The following KIF26B variants were observed in gnomAD, a reference collection of about 807,000 sequenced individuals.
KIF26B encodes kinesin family member 26B.
In KIF26B, 63 loss-of-function variants were observed where a neutral mutation model predicts 151.2. The ratio of observed to expected loss-of-function variants is 0.42; its 90% CI spans 0.34 to 0.51. The LOEUF is 0.51. Among genes scored for constraint, KIF26B ranks in the 20% least tolerant of loss-of-function variants. The pLI is 0.07. For missense variants in KIF26B, 2,813 were observed against 2,913.6 expected (o/e 0.97, Z 0.79); for synonymous variants, 1,357 against 1,262.1 (o/e 1.08, Z -1.59).
Position 245,528,809 on chromosome 1 carries a change from G to A in KIF26B, c.1167-11958G>A, listed in dbSNP as rs150228470. ...GCTTAGAGCAAGTCGCCACCTTCCC[G>A]AGGTCATCCAACTCTCAGAAACAGA... On this transcript the variant is annotated intron_variant, in intron 4 of 14. Coordinates refer to ENST00000407071, the MANE Select transcript of KIF26B (RefSeq NM_018012.4). Among the ~76,000 whole-genome samples the A allele has an allele frequency of 1.9e-3, 293 of 152,248 alleles. 4 individuals carry two copies. The East Asian group carries it at 0.046, about 24-fold the overall frequency.
chr1:245,426,422 T>G (rs1002954862), intron 4 of KIF26B, among the ~76,000 whole-genome samples: 1 of 152,214 alleles, frequency 6.6e-6, no homozygotes, highest in African/African-American at 2.4e-5. Context: ...AAGCTGTCCC[T>G]CACTTTCTCC....
intron 10 of KIF26B, among the ~76,000 whole-genome samples, chr1:245,654,059 C>T (rs2103193296): frequency 6.6e-6 from 1 of 152,216 alleles, no homozygotes; most frequent in Non-Finnish European, 1.5e-5. Flanking sequence ...CAAGACCCTG[C>T]CTCTAAGTGA....
At chr1:245,681,928 A>T (rs2044444720) in intron 10 of KIF26B, among the ~76,000 whole-genome samples, 1 of 152,230 alleles carries the variant, frequency 6.6e-6, no homozygotes, top group South Asian at 2.1e-4. Context: ...AACCTAAACC[A>T]TACGTTAGGT....
At chr1:245,217,988 A>T (rs1669683668) in intron 2 of KIF26B, among the ~76,000 whole-genome samples, 1 of 152,118 alleles carries the variant, frequency 6.6e-6, no homozygotes, top group Non-Finnish European at 1.5e-5. Context: ...CTGCTGGTGG[A>T]ACTGGGCTTA....
intron 3 of KIF26B, among the ~76,000 whole-genome samples, chr1:245,369,004 G>A (rs988318634): frequency 6.6e-6 from 1 of 152,102 alleles, no homozygotes; most frequent in Non-Finnish European, 1.5e-5. Flanking sequence ...CAAGTATGGT[G>A]GCATGCGCCT....
intron 5 of KIF26B, among the ~76,000 whole-genome samples, chr1:245,594,848 C>T (rs1173758757): frequency 6.6e-6 from 1 of 152,156 alleles, no homozygotes; most frequent in African/African-American, 2.4e-5. Flanking sequence ...TTTTCTTGAG[C>T]AGTGGTTTGT....
chr1:245,475,763 A>G (rs1376536744), intron 4 of KIF26B, among the ~76,000 whole-genome samples: 1 of 151,856 alleles, frequency 6.6e-6, no homozygotes, highest in African/African-American at 2.4e-5. Context: ...CATTTTGAGC[A>G]TTGGTGAGGA....
intron 10 of KIF26B, among the ~76,000 whole-genome samples, chr1:245,664,756 T>G (rs1412802010): frequency 2.0e-5 from 3 of 152,210 alleles, no homozygotes; most frequent in Non-Finnish European, 4.4e-5. Flanking sequence ...TATACTTTTG[T>G]GTATTTTAAT....
At position 245,596,351 on chromosome 1, in the gene KIF26B, A is replaced by G. The variant is rs149919525; in HGVS notation, c.1351-6226A>G. 3.3e-5 allele frequency among the ~76,000 whole-genome samples: 5 copies of G among 152,274 alleles called. No individual in the cohort carries two copies. The East Asian group carries it at 9.6e-4, about 29-fold the overall frequency. ...TTAAATGTGTCCCAGAGATTCTGGT[A>G]TGTTGTGTCTTTGTGCTCATTGGTT... On this transcript the variant is annotated intron_variant, in intron 5 of 14. Coordinates refer to ENST00000407071, the MANE Select transcript of KIF26B (RefSeq NM_018012.4).
intron 2 of KIF26B, among the ~76,000 whole-genome samples, chr1:245,309,728 ATGTATATCC>A (rs1040938694): frequency 6.8e-6 from 1 of 147,862 alleles, no homozygotes; most frequent in African/African-American, 2.5e-5. Context: ...TTTTATATAT[ATGTATATCC>A]TATTAGTCCT....
intron 2 of KIF26B, among the ~76,000 whole-genome samples, chr1:245,246,314 A>G (rs1670330070): frequency 2.0e-5 from 3 of 152,308 alleles, no homozygotes; most frequent in Middle Eastern, 3.4e-3. Flanking sequence ...CTTCGGAATC[A>G]TTGATCTGTC....
At chr1:245,381,405 G>A (rs548651069) in intron 3 of KIF26B, among the ~76,000 whole-genome samples, 2 of 152,340 alleles carry the variant, frequency 1.3e-5, no homozygotes, top group East Asian at 3.9e-4. Context: ...GCAGCCTGCA[G>A]TCTACATGAG....
intron 10 of KIF26B, chr1:245,676,469 A>C (rs1283624632): frequency 6.6e-6 from 1 of 152,230 alleles, no homozygotes; most frequent in Non-Finnish European, 1.5e-5. Flanking sequence ...TTTTGACTTG[A>C]AACCTTCTGT....
rs1194408395 is a variant in KIF26B at position 245,705,325 on chromosome 1, T to C, written c.*2719T>C. The stretch of plus-strand genomic sequence containing the variant: ...CTGCAAACATGTTAATTTACCAATA[T>C]TGATAAACCACATGAAGAAATCAGG... On this transcript the variant is annotated 3_prime_UTR_variant, in exon 15 of 15. Transcript: ENST00000407071. 1.3e-5 allele frequency: 2 copies of C among 152,328 alleles called. No homozygotes were observed. Among genetic ancestry groups the C allele is most frequent in the East Asian group, 3.9e-4 (2 of 5,186 alleles). 9.4% of individuals were successfully genotyped at this position (152,328 alleles called of 1,614,324 possible).
At position 245,247,417 on chromosome 1, in the gene KIF26B, C is replaced by A. The variant is rs183776330; in HGVS notation, c.465+90734C>A. Among the ~76,000 whole-genome samples the A allele has an allele frequency of 1.9e-4, 29 of 152,168 alleles. No homozygotes were observed. The East Asian group carries it at 5.6e-3, about 29-fold the overall frequency. On this transcript the variant is annotated intron_variant, in intron 2 of 14. Coordinates refer to ENST00000407071, the MANE Select transcript of KIF26B (RefSeq NM_018012.4). ...AGGTGGCAATCAGCCGAGATCCTGC[C>A]AATGTACCCCAGCCTGGGCGACAGA...
chr1:245,380,146 C>T (rs1673373986), intron 3 of KIF26B, among the ~76,000 whole-genome samples: 1 of 152,116 alleles, frequency 6.6e-6, no homozygotes, highest in South Asian at 2.1e-4. Context: ...GCTTAAGTCA[C>T]TCCGAGGGAG....
At chr1:245,416,582 G>A (rs953780825) in intron 3 of KIF26B, among the ~76,000 whole-genome samples, 1 of 152,134 alleles carries the variant, frequency 6.6e-6, no homozygotes, top group African/African-American at 2.4e-5. Flanking sequence ...TGGAGATACT[G>A]AGGGAAAAGA....
Position 245,688,466 on chromosome 1 carries a change from A to G in KIF26B, c.5483A>G (p.Glu1828Gly). Residue 1828 changes from glutamate (E) to glycine (G), a missense_variant, in exon 12 of 15, where the codon GAG becomes GGG. This residue lies in a region of KIF26B where 2,060 missense variants were observed against 2,088.6 expected (regional missense o/e 0.99). Coordinates refer to ENST00000407071, the MANE Select transcript of KIF26B (RefSeq NM_018012.4). ...ARGLQLRAGP[E>G]AEARGGALAE... is the part of the protein sequence containing the mutation. ...GGCTTGCAGCTGCGGGCCGGGCCCG[A>G]GGCGGAGGCGCGCGGGGGGGCCCTG... 1 of 1,376,242 alleles carries G rather than the reference A, an allele frequency of 7.3e-7. No homozygotes were observed. The highest frequency in any genetic ancestry group is 1.5e-5 in the African/African-American group (1 of 65,382). The allele number at this position is 1,376,242 out of a possible 1,614,324, so 85.3% of individuals were successfully genotyped here. A position where few individuals can be genotyped will look rare whatever the true frequency, so the allele number is the denominator to read the frequency against.
At chr1:245,335,718 GAA>G (rs1672208929) in intron 2 of KIF26B, among the ~76,000 whole-genome samples, 1 of 149,640 alleles carries the variant, frequency 6.7e-6, no homozygotes, top group Admixed American at 6.6e-5. Context: ...CGTGGGGAAA[GAA>G]GAGTCCCACG....
Sources: gnomAD v4.1 joint callset for allele counts (sites outside exome capture counted in the v4.1 genomes callset) on GRCh38, gnomAD v4.1.1 for gene constraint, gnomAD v4.1.1 regional missense constraint, MANE v1.5 for transcripts, NCBI Gene and HGNC (gene_info 2026-07-23, HGNC 2026-07-21) for gene names.